The following DNER variants were observed in gnomAD, a reference collection of about 807,000 sequenced individuals.
DNER encodes the protein delta and Notch-like epidermal growth factor-related receptor.
DNER carries 33 observed loss-of-function variants against 78.2 expected under a neutral mutation model. That is an observed-to-expected ratio of 0.42 (90% CI 0.32 to 0.56). The LOEUF (loss-of-function observed/expected upper bound fraction) is 0.56. DNER is among the 20% of genes least tolerant of loss of function. The probability of loss-of-function intolerance (pLI) is 0.11; values close to 1 mark genes in which losing one functional copy is unlikely to be tolerated. For synonymous variants in DNER, 417 were observed against 384.8 expected, an observed-to-expected ratio of 1.08 and a Z score of -0.98; for missense variants, 918 against 975.3, an observed-to-expected ratio of 0.94 and a Z score of 0.78.
intron 6 of DNER, among the ~76,000 whole-genome samples, chr2:229,503,005 AT>A (rs1695652944): frequency 6.6e-6 from 1 of 152,018 alleles, no homozygotes. Context: ...AACAACTATA[AT>A]TTTTTCTTTC....
At position 229,680,748 on chromosome 2, in the gene DNER, T is replaced by A. The variant is rs563999998; in HGVS notation, c.276+33400A>T. The stretch of plus-strand genomic sequence containing the variant: ...TGATTGCCTTTTCATACAGGTTACC[T>A]TTCTCAGCAATGTAATTTCTCCTAA... On this transcript the variant is annotated intron_variant, in intron 1 of 12. Transcript: ENST00000341772. 4.5e-4 allele frequency among the ~76,000 whole-genome samples: 69 copies of A among 152,358 alleles called. 1 individual carries two copies. In the South Asian group the frequency reaches 0.014, roughly 31 times the overall value.
chr2:229,456,498 T>C (rs1313392050), intron 7 of DNER, among the ~76,000 whole-genome samples: 1 of 151,802 alleles, frequency 6.6e-6, no homozygotes, highest in African/African-American at 2.4e-5. Flanking sequence ...ACCATGTGTA[T>C]CAGAAACTAC....
At chr2:229,656,192 G>A (rs1698908760) in intron 1 of DNER, among the ~76,000 whole-genome samples, 1 of 152,118 alleles carries the variant, frequency 6.6e-6, no homozygotes, top group South Asian at 2.1e-4. Context: ...CTTTGCCTGT[G>A]GTTACCACAT....
chr2:229,619,269 A>C lies in DNER; in HGVS notation c.277-27381T>G, dbSNP rs150218652. On this transcript the variant is annotated intron_variant, in intron 1 of 12. Transcript: ENST00000341772. ...GGTAAAATTTATTGAATAATTATGC[A>C]CTGTATGCCTGGAGAAGGCCTATGG... Among the ~76,000 whole-genome samples, 26 of 152,278 alleles carry C rather than the reference A, an allele frequency of 1.7e-4. No individual in the cohort carries two copies. The East Asian group carries it at 5.0e-3, about 29-fold the overall frequency.
At chr2:229,597,331 GAT>G (rs1189811201) in intron 1 of DNER, among the ~76,000 whole-genome samples, 4 of 152,148 alleles carry the variant, frequency 2.6e-5, no homozygotes, top group African/African-American at 9.7e-5. Flanking sequence ...GCATATATAA[GAT>G]AAGGTGCAAT....
At chr2:229,699,365 C>CT (rs944581003) in intron 1 of DNER, among the ~76,000 whole-genome samples, 2 of 152,036 alleles carry the variant, frequency 1.3e-5, no homozygotes, top group Middle Eastern at 3.2e-3. Flanking sequence ...TTTAATTGTA[C>CT]TTTTTTTGTT....
intron 9 of DNER, among the ~76,000 whole-genome samples, chr2:229,417,820 G>C (rs1693682967): frequency 6.6e-6 from 1 of 152,074 alleles, no homozygotes. Flanking sequence ...ATGTCTGACA[G>C]TCCATCTTAA....
Position 229,685,591 on chromosome 2 carries a change from C to A in DNER, c.276+28557G>T, listed in dbSNP as rs191571258. 1.4e-4 allele frequency among the ~76,000 whole-genome samples: 22 copies of A among 152,270 alleles called. No homozygotes were observed. In the East Asian group the frequency reaches 2.5e-3, roughly 17 times the overall value. ...TCGTCATTAAAGAGAAATGGATAAA[C>A]GGGCCTGTGTAGAGAATTCAGCAAA... On this transcript the variant is annotated intron_variant, in intron 1 of 12. Transcript: ENST00000341772.
intron 10 of DNER, among the ~76,000 whole-genome samples, chr2:229,404,681 G>A (rs1693342272): frequency 6.6e-6 from 1 of 152,208 alleles, no homozygotes; most frequent in Non-Finnish European, 1.5e-5. Flanking sequence ...GAAGATCTGA[G>A]TTTGGGGTGT....
chr2:229,603,503 T>A (rs543567962), intron 1 of DNER, among the ~76,000 whole-genome samples: 21 of 152,246 alleles, frequency 1.4e-4, no homozygotes, highest in Admixed American at 4.6e-4. Context: ...GAAAGAACTA[T>A]AGCCTTATAC....
At chr2:229,455,840 G>A (rs1197894635) in intron 7 of DNER, among the ~76,000 whole-genome samples, 2 of 152,076 alleles carry the variant, frequency 1.3e-5, no homozygotes, top group African/African-American at 4.8e-5. Context: ...TATGAGATAA[G>A]AACTATCATT....
chr2:229,502,567 G>A (rs1559150353), intron 6 of DNER, among the ~76,000 whole-genome samples: 1 of 152,176 alleles, frequency 6.6e-6, no homozygotes, highest in East Asian at 1.9e-4. Flanking sequence ...GACGGGAATA[G>A]ACACTGACTC....
intron 5 of DNER, among the ~76,000 whole-genome samples, chr2:229,524,510 G>C (rs1441071392): frequency 6.6e-6 from 1 of 152,184 alleles, no homozygotes; most frequent in African/African-American, 2.4e-5. Context: ...CAGGATGGTT[G>C]ACTGGTCCTC....
chr2:229,559,723 T>A (rs1044400177), intron 4 of DNER, among the ~76,000 whole-genome samples: 2 of 152,214 alleles, frequency 1.3e-5, no homozygotes, highest in African/African-American at 4.8e-5. Flanking sequence ...ATTTCCCTAA[T>A]GAGTTTAAAA....
At chr2:229,596,417 G>C (rs1433359933) in intron 1 of DNER, among the ~76,000 whole-genome samples, 1 of 152,250 alleles carries the variant, frequency 6.6e-6, no homozygotes, top group Non-Finnish European at 1.5e-5. Context: ...AGGTAAGACA[G>C]AACCAGCACA....
intron 4 of DNER, among the ~76,000 whole-genome samples, chr2:229,569,251 A>G (rs1476313267): frequency 6.6e-6 from 1 of 152,184 alleles, no homozygotes; most frequent in African/African-American, 2.4e-5. Context: ...GGCTGAGCGC[A>G]GTTGCTCAAG....
At chr2:229,669,080 G>C (rs1029912398) in intron 1 of DNER, among the ~76,000 whole-genome samples, 1 of 151,930 alleles carries the variant, frequency 6.6e-6, no homozygotes, top group African/African-American at 2.4e-5. Flanking sequence ...GGGACATGAA[G>C]CTGGAAACCA....
chr2:229,588,291 C>T, intron 3 of DNER, 103 bp downstream of exon 3: 1 of 1,022,096 alleles, frequency 9.8e-7, no homozygotes, highest in Non-Finnish European at 1.5e-6. Context: ...GTTCACGATT[C>T]TCACTTGACA....
chr2:229,367,956 T>C (rs529946458), intron 11 of DNER, among the ~76,000 whole-genome samples: 2 of 152,324 alleles, frequency 1.3e-5, no homozygotes, highest in Admixed American at 6.5e-5. Context: ...TATTCCATAT[T>C]TAGAAAAAGG....
Sources: gnomAD v4.1 joint callset for allele counts (sites outside exome capture counted in the v4.1 genomes callset) on GRCh38, gnomAD v4.1.1 for gene constraint, MANE v1.5 for transcripts, NCBI Gene and HGNC (gene_info 2026-07-23, HGNC 2026-07-21) for gene names.